The following BLOC1S3 variants were observed in gnomAD, a reference collection of about 807,000 sequenced individuals.
BLOC1S3 encodes the protein biogenesis of lysosome-related organelles complex 1 subunit 3.
A neutral mutation model predicts 9.1 loss-of-function variants in BLOC1S3; 7 were observed. The ratio of observed to expected loss-of-function variants is 0.77; its 90% CI spans 0.44 to 1.45. The LOEUF (loss-of-function observed/expected upper bound fraction) is 1.45, where lower values mean the gene tolerates loss of function less well. BLOC1S3 is among the 40% of genes most tolerant of loss of function. BLOC1S3 has a pLI of 0.01. For synonymous variants in BLOC1S3, 145 were observed against 158.4 expected, an observed-to-expected ratio of 0.92 and a Z score of 0.64; for missense variants, 307 against 315.2, an observed-to-expected ratio of 0.97 and a Z score of 0.20.
At chr19:45,183,518 C>T (rs1475963277), downstream of BLOC1S3, among the ~76,000 whole-genome samples, 2 of 151,678 alleles carry the variant, frequency 1.3e-5, no homozygotes, top group Non-Finnish European at 2.9e-5. Context: ...GCATCTCCTC[C>T]CTCCTGAGCA....
chr19:45,200,254 T>G (rs867417606), intron 2 of BLOC1S3, among the ~76,000 whole-genome samples: 3 of 149,436 alleles, frequency 2.0e-5, no homozygotes, highest in Middle Eastern at 7.0e-3. Flanking sequence ...CGATCTCCGC[T>G]CACTGCAAGC....
At chr19:45,203,844 T>C (rs1475569574) in intron 3 of BLOC1S3, among the ~76,000 whole-genome samples, 5 of 151,954 alleles carry the variant, frequency 3.3e-5, no homozygotes, top group Non-Finnish European at 7.4e-5. Flanking sequence ...TGCCAGGAGA[T>C]GTGGGAGGGG....
At chr19:45,183,623 C>CTTTTTTTTTTT (rs57651816), downstream of BLOC1S3, among the ~76,000 whole-genome samples, 121 of 105,074 alleles carry the variant, frequency 1.2e-3, no homozygotes, top group African/African-American at 1.6e-3. Context: ...CTTTTCTTTT[C>CTTTTTTTTTTT]TTTTTTTTTT....
At chr19:45,188,292 G>T (rs1337204249) in intron 2 of BLOC1S3, among the ~76,000 whole-genome samples, 1 of 152,036 alleles carries the variant, frequency 6.6e-6, no homozygotes, top group Admixed American at 6.6e-5. Context: ...CAGAGTGCTG[G>T]GATTATAGGC....
intron 2 of BLOC1S3, among the ~76,000 whole-genome samples, chr19:45,196,654 A>C (rs935560513): frequency 1.3e-5 from 2 of 152,132 alleles, no homozygotes; most frequent in African/African-American, 4.8e-5. Flanking sequence ...GCACTTTGGG[A>C]GGCCGAGGCG....
downstream of BLOC1S3, chr19:45,217,024 T>C (rs1969842607): frequency 6.6e-6 from 1 of 152,154 alleles, no homozygotes; most frequent in East Asian, 1.9e-4. Flanking sequence ...ATGGAGTCTT[T>C]TTTTTCTTTT....
rs2122884381 is a variant in BLOC1S3, at chr19:45,180,089, C to T, written c.*184C>T. 1 of 627,270 alleles carries T rather than the reference C, an allele frequency of 1.6e-6. No individual in the cohort carries two copies. Among genetic ancestry groups the T allele is most frequent in the Non-Finnish European group, 2.6e-6 (1 of 379,694 alleles). 38.9% of individuals were successfully genotyped at this position (627,270 alleles called of 1,614,324 possible). On this transcript the variant is annotated 3_prime_UTR_variant, in exon 2 of 2. Coordinates refer to ENST00000433642, the MANE Select transcript of BLOC1S3 (RefSeq NM_212550.5). Reference sequence around the variant, plus strand: ...ATTGGATATAGTTCAACCCCTACTGCGGAGACCAGGGCCCCACTATCCTTA... The same window carrying T: ...ATTGGATATAGTTCAACCCCTACTGTGGAGACCAGGGCCCCACTATCCTTA...
chr19:45,204,862 G>T (rs1969715719), intron 3 of BLOC1S3, among the ~76,000 whole-genome samples: 1 of 151,856 alleles, frequency 6.6e-6, no homozygotes, highest in Admixed American at 6.6e-5. Context: ...CTCCTGAGTA[G>T]CTGGGATTAC....
chr19:45,213,163 C>T (rs1283048622), intron 3 of BLOC1S3: 1 of 1,594,616 alleles, frequency 6.3e-7, no homozygotes, highest in Admixed American at 1.8e-5. Flanking sequence ...GGGGAGGCGG[C>T]CCAGGAAGAG....
In BLOC1S3 at chr19:45,194,765, G is replaced by A. The variant is rs375376705; in HGVS notation, n.180+7025G>A. ...GTCAGAACCAGGCAAAACCATGCTA[G>A]GGGTGTTGAAGGTCAGGACAGCAGT... is the stretch of plus-strand genomic sequence containing the variant. On this transcript the variant is annotated intron_variant and non_coding_transcript_variant, in intron 2 of 3. Coordinates refer to the BLOC1S3 transcript ENST00000591569. Among the ~76,000 whole-genome samples the A allele has an allele frequency of 4.6e-5, 7 of 152,252 alleles. No individual in the cohort carries two copies. The East Asian group carries it at 5.8e-4, about 13-fold the overall frequency.
In BLOC1S3 at chr19:45,179,972, C is replaced by CT. The variant is rs902867467; in HGVS notation, c.*68dup. ...GCCTTGCTGCCTCTGGGACCTGACT[C>CT]TGTCTCCTGTGTCTCTTATCACCCC... is the stretch of plus-strand genomic sequence containing the variant. On this transcript the variant is annotated 3_prime_UTR_variant, in exon 2 of 2. Coordinates refer to ENST00000433642, the MANE Select transcript of BLOC1S3 (RefSeq NM_212550.5). This position sits in a 1 kb window ranked among gnomAD's most constrained non-coding sequence, Gnocchi z 4.6. 1.4e-5 allele frequency: 21 copies of CT among 1,554,840 alleles called. No homozygotes were observed. Among genetic ancestry groups the CT allele is most frequent in the Non-Finnish European group, 1.7e-5 (20 of 1,146,676 alleles).
rs1969514977 is a variant in BLOC1S3, at chr19:45,181,088, G to C, written c.*1183G>C. The C allele has an allele frequency of 6.0e-6, 1 of 167,748 alleles. No homozygotes were observed. Among genetic ancestry groups the C allele is most frequent in the Non-Finnish European group, 1.5e-5 (1 of 68,574 alleles). 10.4% of individuals were successfully genotyped at this position (167,748 alleles called of 1,614,324 possible). On this transcript the variant is annotated 3_prime_UTR_variant, in exon 2 of 2. Transcript: ENST00000433642. ...GTTCCGTGTGCTGGTTCTACTTTTTGTTCTCCCATCTGCCTCCTGCCTCCT... is the reference window on the plus strand; with the variant it reads ...GTTCCGTGTGCTGGTTCTACTTTTTCTTCTCCCATCTGCCTCCTGCCTCCT...
At chr19:45,216,143 T>C in intron 3 of BLOC1S3, 1 of 1,613,900 alleles carries the variant, frequency 6.2e-7, no homozygotes, top group Non-Finnish European at 8.5e-7. Context: ...TCCAGCTGCA[T>C]GACTTCAGCC....
chr19:45,201,503 A>G (rs12973890), intron 2 of BLOC1S3, among the ~76,000 whole-genome samples: 31,906 of 152,118 alleles, frequency 0.21, 4,223 homozygotes, highest in Non-Finnish European at 0.29. Flanking sequence ...ACAAGGCCCA[A>G]GGGCTCTTCG....
chr19:45,212,528 G>C (rs1027717911), intron 3 of BLOC1S3: 9 of 152,312 alleles, frequency 5.9e-5, no homozygotes, highest in African/African-American at 1.9e-4. Context: ...TGGCAGGAGG[G>C]GAGGTGCTGG....
intron 3 of BLOC1S3, among the ~76,000 whole-genome samples, chr19:45,215,182 A>T (rs1033963451): frequency 3.3e-5 from 5 of 152,066 alleles, no homozygotes; most frequent in African/African-American, 1.2e-4. Context: ...TACCCCTTAT[A>T]AAGTTGGCAT....
downstream of BLOC1S3, among the ~76,000 whole-genome samples, chr19:45,182,246 G>A (rs183620210): frequency 1.1e-4 from 17 of 152,230 alleles, no homozygotes; most frequent in South Asian, 8.3e-4. Flanking sequence ...GCCGAGGCAC[G>A]TGCTAGTAAT....
chr19:45,213,377 C>G (rs547412844), intron 3 of BLOC1S3: 24 of 1,610,570 alleles, frequency 1.5e-5, no homozygotes, highest in Non-Finnish European at 2.0e-5. Flanking sequence ...GAGGAACAGA[C>G]AGGTGCATGC....
downstream of BLOC1S3, among the ~76,000 whole-genome samples, chr19:45,183,503 A>G (rs917706753): frequency 1.1e-4 from 17 of 151,362 alleles, no homozygotes; most frequent in Admixed American, 9.9e-4. Context: ...GGTGCGGATC[A>G]ACCAGCATCT....
Sources: allele counts gnomAD v4.1 joint callset (sites outside exome capture counted in the v4.1 genomes callset), GRCh38; gene constraint gnomAD v4.1.1; non-coding constraint Gnocchi (gnomAD v3.1); transcripts MANE v1.5; gene names NCBI Gene and HGNC (gene_info 2026-07-23, HGNC 2026-07-21).